The following HIP1 variants were observed in gnomAD, a reference collection of about 807,000 sequenced individuals.
The protein encoded by HIP1 is huntingtin interacting protein 1.
A neutral mutation model predicts 147.6 loss-of-function variants in HIP1; 65 were observed. The observed-to-expected ratio is 0.44, with a 90% CI of 0.36 to 0.54. The LOEUF is 0.54. HIP1 is among the 20% of genes least tolerant of loss of function. The pLI is 0.00. For missense variants in HIP1, 1,061 were observed against 1,299.6 expected, an observed-to-expected ratio of 0.82 and a Z score of 2.82; for synonymous variants, 479 against 504.0, an observed-to-expected ratio of 0.95 and a Z score of 0.67.
At chr7:75,686,814 A>G (rs1800276361) in intron 1 of HIP1, among the ~76,000 whole-genome samples, 1 of 147,814 alleles carries the variant, frequency 6.8e-6, no homozygotes, top group Non-Finnish European at 1.5e-5. Flanking sequence ...GTGCAGGTGC[A>G]TGCTGCTACA....
At chr7:75,728,520 C>A (rs62477609) in intron 1 of HIP1, among the ~76,000 whole-genome samples, 14,507 of 152,198 alleles carry the variant, frequency 0.095, 835 homozygotes, top group Middle Eastern at 0.16. Context: ...CCCAGGTCTC[C>A]GCCACACCTC....
intron 1 of HIP1, among the ~76,000 whole-genome samples, chr7:75,622,897 A>ATC (rs1563252019): frequency 7.3e-5 from 10 of 136,656 alleles, no homozygotes; most frequent in Non-Finnish European, 9.6e-5. Flanking sequence ...ATCTATCTAT[A>ATC]TATTTTTTAA....
Position 75,541,921 on chromosome 7 carries a change from G to A in HIP1, c.2950C>T (p.Gln984Ter), listed in dbSNP as rs1554489965. 6.2e-7 allele frequency: 1 copy of A among 1,608,824 alleles called. No homozygotes were observed. Among genetic ancestry groups the A allele is most frequent in the Non-Finnish European group, 8.5e-7 (1 of 1,175,158 alleles). ...TQIKRQEMDS[Q>*]VRVLELENEL... ...AGACTTACAGATGGAGCTCTCACCT[G>A]AGAATCCATCTCTTGGCGTTTGATC... Residue 984 changes from glutamine (Q) to a stop codon, truncating the protein, a stop_gained and splice_region_variant, in exon 29 of 31, where the codon CAG becomes TAG. Transcript: ENST00000336926. LOFTEE classifies it high-confidence loss of function.
intron 1 of HIP1, among the ~76,000 whole-genome samples, chr7:75,681,364 A>G (rs917264317): frequency 2.0e-5 from 3 of 151,958 alleles, no homozygotes; most frequent in Admixed American, 1.3e-4. Flanking sequence ...ACCACCACCA[A>G]GAAGGCTCTT....
intron 4 of HIP1, among the ~76,000 whole-genome samples, chr7:75,588,218 G>A (rs1796353447): frequency 6.6e-6 from 1 of 152,122 alleles, no homozygotes; most frequent in Non-Finnish European, 1.5e-5. Context: ...AATTCTCTCT[G>A]GAGGAACCTG....
At chr7:75,571,276 G>T (rs1034603675) in intron 8 of HIP1, among the ~76,000 whole-genome samples, 37 of 152,248 alleles carry the variant, frequency 2.4e-4, no homozygotes, top group African/African-American at 8.9e-4. Context: ...CTGAGCAACA[G>T]AATACTTGGA....
At chr7:75,673,648 G>A (rs1799793639) in intron 1 of HIP1, among the ~76,000 whole-genome samples, 1 of 151,372 alleles carries the variant, frequency 6.6e-6, no homozygotes, top group Admixed American at 6.6e-5. Flanking sequence ...TTCATTTTTG[G>A]ATTTTTCATA....
chr7:75,624,937 T>C (rs1797983696), intron 1 of HIP1, among the ~76,000 whole-genome samples: 1 of 78,094 alleles, frequency 1.3e-5, no homozygotes, highest in African/African-American at 1.3e-4. Context: ...TTTTGTTTAA[T>C]TTTTTTTTTT....
chr7:75,630,391 T>C (rs1205254530), intron 1 of HIP1, among the ~76,000 whole-genome samples: 1 of 150,824 alleles, frequency 6.6e-6, no homozygotes, highest in Non-Finnish European at 1.5e-5. Context: ...CCTGAGAGGT[T>C]TGAGGCTGCA....
At chr7:75,570,937 G>A (rs1383699335) in intron 8 of HIP1, among the ~76,000 whole-genome samples, 1 of 152,044 alleles carries the variant, frequency 6.6e-6, no homozygotes, top group Non-Finnish European at 1.5e-5. Flanking sequence ...TTGAACCTGG[G>A]AGATGGAGGT....
intron 1 of HIP1, among the ~76,000 whole-genome samples, chr7:75,650,633 A>T (rs1226711442): frequency 6.6e-6 from 1 of 152,016 alleles, no homozygotes; most frequent in Non-Finnish European, 1.5e-5. Flanking sequence ...GTGTATTTTT[A>T]GTAGAGACGG....
At chr7:75,670,982 G>A (rs1459474747) in intron 1 of HIP1, among the ~76,000 whole-genome samples, 1 of 151,970 alleles carries the variant, frequency 6.6e-6, no homozygotes, top group Non-Finnish European at 1.5e-5. Context: ...CGGGAGTCAT[G>A]CTGTATTTAT....
intron 22 of HIP1, among the ~76,000 whole-genome samples, chr7:75,550,706 G>T (rs1554491939): frequency 2.0e-5 from 3 of 152,096 alleles, no homozygotes; most frequent in Admixed American, 2.0e-4. Flanking sequence ...GTGCCACTAT[G>T]CCTGGCCTGT....
intron 1 of HIP1, among the ~76,000 whole-genome samples, chr7:75,671,389 C>T (rs1250245999): frequency 1.3e-5 from 2 of 152,130 alleles, no homozygotes; most frequent in African/African-American, 4.8e-5. Flanking sequence ...CCACCGCACT[C>T]GGCTAGAATT....
At chr7:75,657,383 A>G (rs1799174107) in intron 1 of HIP1, among the ~76,000 whole-genome samples, 1 of 152,088 alleles carries the variant, frequency 6.6e-6, no homozygotes, top group East Asian at 1.9e-4. Flanking sequence ...TACAAAAATT[A>G]GCCAGGCATG....
chr7:75,566,025 CTTTTGT>C (rs1166750897), intron 9 of HIP1, among the ~76,000 whole-genome samples: 5 of 149,596 alleles, frequency 3.3e-5, no homozygotes, highest in African/African-American at 1.3e-4. Context: ...AAGTAAAGAT[CTTTTGT>C]TTTTGTTTTT....
At chr7:75,649,261 T>C (rs1401298762) in intron 1 of HIP1, among the ~76,000 whole-genome samples, 1 of 152,208 alleles carries the variant, frequency 6.6e-6, no homozygotes, top group African/African-American at 2.4e-5. Flanking sequence ...CGACCTCAGA[T>C]GATCAGCCTG....
intron 1 of HIP1, among the ~76,000 whole-genome samples, chr7:75,652,048 G>T (rs1799010940): frequency 6.7e-6 from 1 of 149,530 alleles, no homozygotes; most frequent in African/African-American, 2.5e-5. Context: ...TGGTATGGTG[G>T]CTCACACCTG....
intron 1 of HIP1, among the ~76,000 whole-genome samples, chr7:75,683,640 A>G (rs1200251572): frequency 2.0e-5 from 3 of 152,162 alleles, no homozygotes; most frequent in Admixed American, 1.3e-4. Context: ...CCCATCCCAT[A>G]GCACCACGTC....
Sources: gnomAD v4.1 joint callset for allele counts (sites outside exome capture counted in the v4.1 genomes callset) on GRCh38, gnomAD v4.1.1 for gene constraint, MANE v1.5 for transcripts, NCBI Gene and HGNC (gene_info 2026-07-23, HGNC 2026-07-21) for gene names.